The following GRAMD1B variants were observed in gnomAD, a reference collection of about 807,000 sequenced individuals.
GRAMD1B encodes the protein protein Aster-B.
A neutral mutation model predicts 99.7 loss-of-function variants in GRAMD1B; 37 were observed. The ratio of observed to expected loss-of-function variants is 0.37; its 90% CI spans 0.29 to 0.49. The LOEUF is 0.49. GRAMD1B is among the 20% of genes least tolerant of loss of function. The probability of loss-of-function intolerance (pLI) is 0.98; values close to 1 mark genes in which losing one functional copy is unlikely to be tolerated. For synonymous variants in GRAMD1B, 427 were observed against 387.6 expected (o/e 1.10, Z -1.19); for missense variants, 888 against 1,009.2 (o/e 0.88, Z 1.63).
chr11:123,520,575 A>G (rs1942102595), intron 2 of GRAMD1B, among the ~76,000 whole-genome samples: 1 of 152,090 alleles, frequency 6.6e-6, no homozygotes, highest in African/African-American at 2.4e-5. Flanking sequence ...GTTCAAGAAC[A>G]GCCTGGGCAA....
intron 4 of GRAMD1B, among the ~76,000 whole-genome samples, chr11:123,584,828 G>T (rs1592138044): frequency 6.6e-6 from 1 of 152,162 alleles, no homozygotes; most frequent in Non-Finnish European, 1.5e-5. Flanking sequence ...TTCCTACAAG[G>T]CCTCCTGGTG....
At chr11:123,367,562 C>A (rs541293412) in intron 1 of GRAMD1B, among the ~76,000 whole-genome samples, 1 of 152,088 alleles carries the variant, frequency 6.6e-6, no homozygotes, top group Non-Finnish European at 1.5e-5. Flanking sequence ...TTGACGTGTT[C>A]GCAAAGAGTC....
intron 3 of GRAMD1B, among the ~76,000 whole-genome samples, chr11:123,583,042 G>A (rs1949568412): frequency 6.6e-6 from 1 of 151,860 alleles, no homozygotes; most frequent in Non-Finnish European, 1.5e-5. Context: ...ATGTATGTGT[G>A]TATATATGTG....
chr11:123,430,999 C>T lies in GRAMD1B; in HGVS notation c.207C>T (p.Ala69=), dbSNP rs1324787314. The T allele has an allele frequency of 4.3e-6, 3 of 702,832 alleles. No individual in the cohort carries two copies. The highest frequency in any genetic ancestry group is 3.5e-5 in the African/African-American group (2 of 57,276). The allele number at this position is 702,832 out of a possible 1,614,324, so 43.5% of individuals were successfully genotyped here. Residue 69 remains alanine, a synonymous_variant, in exon 1 of 20, where the codon GCC becomes GCT. Transcript: ENST00000635736. The stretch of plus-strand genomic sequence containing the variant: ...CCCGGGACCTGCCCGCCGTCTTGGC[C>T]CCCGGCAAGGAGTTCCTGCAGCTGC... ...GLARDLPAVL[A]PGKEFLQLPS...
At chr11:123,493,131 G>A (rs1391251726) in intron 2 of GRAMD1B, among the ~76,000 whole-genome samples, 2 of 152,200 alleles carry the variant, frequency 1.3e-5, no homozygotes, top group African/African-American at 4.8e-5. Flanking sequence ...TGGCTGCGGG[G>A]AACTCAGGTT....
chr11:123,527,711 G>T (rs1465935320), intron 2 of GRAMD1B, among the ~76,000 whole-genome samples: 2 of 152,116 alleles, frequency 1.3e-5, no homozygotes, highest in Non-Finnish European at 2.9e-5. Context: ...AAAAGCCCAG[G>T]TGCTGCAGGA....
At chr11:123,589,202 A>G (rs538876568) in intron 4 of GRAMD1B, among the ~76,000 whole-genome samples, 1 of 151,698 alleles carries the variant, frequency 6.6e-6, no homozygotes, top group Non-Finnish European at 1.5e-5. Flanking sequence ...TCCTTGAAAC[A>G]TATCACGGCA....
At chr11:123,388,247 C>T (rs1294122383) in intron 1 of GRAMD1B, among the ~76,000 whole-genome samples, 1 of 151,910 alleles carries the variant, frequency 6.6e-6, no homozygotes, top group South Asian at 2.1e-4. Flanking sequence ...ATGTTGGTAT[C>T]CCCCAATATG....
chr11:123,584,875 G>A (rs1421023718), intron 4 of GRAMD1B, among the ~76,000 whole-genome samples: 1 of 152,164 alleles, frequency 6.6e-6, no homozygotes, highest in Admixed American at 6.5e-5. Context: ...TGGGGCCACT[G>A]TCTAGGTCAT....
In GRAMD1B at chr11:123,403,448, GATAATAATAATAATA is replaced by G. The variant is rs371716819; in HGVS notation, c.-176+44679_-176+44693del. On this transcript the variant is annotated intron_variant, in intron 1 of 20. Coordinates refer to the GRAMD1B transcript ENST00000638157. ...GTCTCAAAATAATGATGATGATGAT[GATAATAATAATAATA>G]ATAATAATAATAATAATAATAATAA... Among the ~76,000 whole-genome samples, 926 of 139,166 alleles carry G rather than the reference GATAATAATAATAATA, an allele frequency of 6.7e-3. 12 individuals are homozygous for G. The highest frequency in any genetic ancestry group is 0.028 in the Admixed American group (382 of 13,798). 91.3% of individuals were successfully genotyped at this position (139,166 alleles called of 152,430 possible).
chr11:123,439,621 GTTCTCCAA>G (rs1329401141), intron 1 of GRAMD1B, among the ~76,000 whole-genome samples: 2 of 152,136 alleles, frequency 1.3e-5, no homozygotes, highest in African/African-American at 4.8e-5. Context: ...TGAGACTCCG[GTTCTCCAA>G]TTCTGATCTG....
chr11:123,397,211 C>G (rs6589999), intron 1 of GRAMD1B, among the ~76,000 whole-genome samples: 64,461 of 151,784 alleles, frequency 0.42, 13,720 homozygotes, highest in African/African-American at 0.47. Context: ...CGAGACCAGC[C>G]TGGCCAACAT....
chr11:123,364,349 AAG>A (rs536560649), intron 1 of GRAMD1B, among the ~76,000 whole-genome samples: 20 of 152,328 alleles, frequency 1.3e-4, no homozygotes, highest in African/African-American at 4.8e-4. Context: ...TGACTATAAA[AAG>A]GTATCTTCGT....
At chr11:123,612,629 G>C in intron 14 of GRAMD1B, 132 bp from the exon 15 acceptor site, 1 of 700,080 alleles carries the variant, frequency 1.4e-6, no homozygotes, top group Non-Finnish European at 2.6e-6. Flanking sequence ...GATGGATGTG[G>C]AAGGACCTTT....
rs890048247 is a variant in GRAMD1B, at chr11:123,430,708, G to C, written c.-85G>C. 1.5e-5 allele frequency: 9 copies of C among 585,964 alleles called. No individual in the cohort carries two copies. Among genetic ancestry groups the C allele is most frequent in the East Asian group, 8.9e-5 (3 of 33,568 alleles). The allele number at this position is 585,964 out of a possible 1,614,324, so 36.3% of individuals were successfully genotyped here. ...CCCAGGATTGGGGAGTGTGCCGCGG[G>C]GCCGAGGGTGGGGAACAGCCAGAGG... is the stretch of plus-strand genomic sequence containing the variant. On this transcript the variant is annotated 5_prime_UTR_variant, in exon 1 of 20. Coordinates refer to ENST00000635736, the MANE Select transcript of GRAMD1B (RefSeq NM_001387025.1).
In GRAMD1B at chr11:123,608,641, A is replaced by T. The variant is rs762610250; in HGVS notation, c.1514-18A>T. 1.3e-5 allele frequency: 21 copies of T among 1,574,830 alleles called. No individual in the cohort carries two copies. In the South Asian group the frequency reaches 2.3e-4, roughly 18 times the overall value. On this transcript the variant is annotated intron_variant, in intron 11 of 19. Coordinates refer to ENST00000635736, the MANE Select transcript of GRAMD1B (RefSeq NM_001387025.1). ...CTCCGCTGTCACTGTCTACTTCCTG[A>T]TCCTCTCTTCTGTGCAGGAGAGGTC...
intron 1 of GRAMD1B, among the ~76,000 whole-genome samples, chr11:123,455,949 C>G (rs1338339234): frequency 6.6e-6 from 1 of 152,110 alleles, no homozygotes; most frequent in Non-Finnish European, 1.5e-5. Context: ...GTGGGCGGAT[C>G]ATTTGAGGTC....
chr11:123,361,609 A>T (rs187845898), intron 1 of GRAMD1B, among the ~76,000 whole-genome samples: 28 of 152,292 alleles, frequency 1.8e-4, no homozygotes, highest in Non-Finnish European at 3.8e-4. Flanking sequence ...CATTCTTCAA[A>T]TGGTAATAAA....
chr11:123,420,452 A>G (rs902599440), intron 1 of GRAMD1B, among the ~76,000 whole-genome samples: 1 of 152,252 alleles, frequency 6.6e-6, no homozygotes, highest in Non-Finnish European at 1.5e-5. Flanking sequence ...CCATGAAAAG[A>G]ATATGTTGCT....
Sources: gnomAD v4.1 joint callset for allele counts (sites outside exome capture counted in the v4.1 genomes callset) on GRCh38, gnomAD v4.1.1 for gene constraint, MANE v1.5 for transcripts, NCBI Gene and HGNC (gene_info 2026-07-23, HGNC 2026-07-21) for gene names.